Variants in FPGT observed in about 807,000 individuals in gnomAD.
The protein encoded by FPGT is fucose-1-phosphate guanylyltransferase, also known as GDP-L-fucose diphosphorylase.
Under a neutral mutation model 45.8 loss-of-function variants are expected in FPGT, and 41 were observed. The observed-to-expected ratio is 0.90, with a 90% CI of 0.70 to 1.16. The LOEUF (loss-of-function observed/expected upper bound fraction) is 1.16. Among genes scored for constraint, FPGT ranks in the 50% most tolerant of loss-of-function variants. FPGT has a pLI of 0.00. For missense variants in FPGT, 755 were observed against 689.1 expected, an observed-to-expected ratio of 1.10 and a Z score of -1.07; for synonymous variants, 292 against 247.2, an observed-to-expected ratio of 1.18 and a Z score of -1.70.
intron 3 of FPGT, among the ~76,000 whole-genome samples, chr1:74,202,678 C>T (rs1651909820): frequency 1.3e-5 from 2 of 152,194 alleles, no homozygotes; most frequent in South Asian, 4.1e-4. Context: ...ATAAATTAAC[C>T]TTAGCTTACT....
Position 74,204,809 on chromosome 1 carries a change from T to TG in FPGT, c.767dup (p.Asp257Ter). 1 of 1,613,826 alleles carries TG rather than the reference T, an allele frequency of 6.2e-7. No homozygotes were observed. Among genetic ancestry groups the TG allele is most frequent in the Non-Finnish European group, 8.5e-7 (1 of 1,179,958 alleles). ...GAAATTTTTGTCAACAGGACTTTGC[T>TG]GGGGGTGACATTGCCGATCTTAAAT... On this transcript the variant is annotated frameshift_variant, in exon 4 of 4. Transcript: ENST00000370898. LOFTEE classifies it high-confidence loss of function.
chr1:74,199,910 G>C (rs1384017542), intron 2 of FPGT, 79 bp downstream of exon 2: 2 of 1,477,864 alleles, frequency 1.4e-6, no homozygotes, highest in Non-Finnish European at 1.8e-6. Context: ...GTGACTTACA[G>C]TGTATAAGCT....
At chr1:74,203,790 C>G (rs1652022830) in intron 3 of FPGT, among the ~76,000 whole-genome samples, 1 of 151,784 alleles carries the variant, frequency 6.6e-6, no homozygotes, top group Non-Finnish European at 1.5e-5. Context: ...GCCTGTAATC[C>G]CAGCACTTTG....
In FPGT at chr1:74,205,167, A is replaced by G; in HGVS notation, c.1120A>G (p.Ser374Gly). The part of the protein sequence containing the change: ...EYLFYFTSDN[S>G]LKSELGLQSI... ...TTTGTTTTACTTTACCTCAGATAAC[A>G]GTTTAAAGTCAGAGCTCGGCTTACA... The change falls in exon 4 of 4, where the codon AGT (serine) becomes GGT (glycine). Residue 374 changes from serine (S) to glycine (G), a missense_variant. Transcript: ENST00000370898. 1 of 1,613,576 alleles carries G rather than the reference A, an allele frequency of 6.2e-7. No individual in the cohort carries two copies. Among genetic ancestry groups the G allele is most frequent in the Non-Finnish European group, 8.5e-7 (1 of 1,179,490 alleles).
Position 74,204,395 on chromosome 1 carries a change from C to A in FPGT, c.348C>A (p.Gly116=). ...TATTTCGTTTTAATTTTATAGGTGG[C>A]TACAGTCAACGACTTCCAAATGCAA... ...SFTILLIHSG[G]YSQRLPNASA... Residue 116 remains glycine, a synonymous_variant, in exon 4 of 4, where the codon GGC becomes GGA. Coordinates refer to ENST00000370898, the MANE Select transcript of FPGT (RefSeq NM_003838.5). The A allele has an allele frequency of 6.4e-7, 1 of 1,556,502 alleles. No individual in the cohort carries two copies. The highest frequency in any genetic ancestry group is 2.2e-5 in the East Asian group (1 of 44,470).
In FPGT at chr1:74,205,601, A is replaced by T; in HGVS notation, c.1554A>T (p.Thr518=). The change falls in exon 4 of 4, where the codon ACA becomes ACT. Residue 518 remains threonine, a synonymous_variant. Transcript: ENST00000370898. ...VTEELFSGNK[T]CLSLWTARIF... The stretch of plus-strand genomic sequence containing the variant: ...AGGAACTGTTCTCTGGTAACAAGAC[A>T]TGTCTGAGTTTGTGGACTGCACGCA... 1 of 1,613,610 alleles carries T rather than the reference A, an allele frequency of 6.2e-7. No individual in the cohort carries two copies. Among genetic ancestry groups the T allele is most frequent in the East Asian group, 2.2e-5 (1 of 44,876 alleles).
In FPGT at chr1:74,204,990, G is replaced by A. The variant is rs1652142667; in HGVS notation, c.943G>A (p.Glu315Lys). 6.2e-7 allele frequency: 1 copy of A among 1,614,068 alleles called. No homozygotes were observed. The highest frequency in any genetic ancestry group is 2.2e-5 in the East Asian group (1 of 44,876). The change falls in exon 4 of 4, where the codon GAG becomes AAG. Residue 315 changes from glutamate to lysine, a missense_variant. Physicochemically the swap from Glu to Lys is moderately conservative, Grantham distance 56. Transcript: ENST00000370898. ...GGCTTTGGGACCTGGAGCAACTGTG[G>A]AGTACACCAGAAACACATCAAATGT... ...LQALGPGATV[E>K]YTRNTSNVIK...
At chr1:74,200,170 C>T (rs1651657226) in intron 2 of FPGT, among the ~76,000 whole-genome samples, 1 of 152,188 alleles carries the variant, frequency 6.6e-6, no homozygotes, top group Non-Finnish European at 1.5e-5. Context: ...CAGCAATTTA[C>T]ATGAAGAAAG....
At chr1:74,204,235 CA>C (rs1182354269) in intron 3 of FPGT, among the ~76,000 whole-genome samples, 155 bp from the exon 4 acceptor site, 3 of 152,068 alleles carry the variant, frequency 2.0e-5, no homozygotes, top group African/African-American at 7.2e-5. Context: ...ATTTGGATTT[CA>C]TTATTCTTTC....
rs768733792 is a variant in FPGT at position 74,205,883 on chromosome 1, T to C, written c.*51T>C. The C allele has an allele frequency of 6.6e-6, 7 of 1,057,758 alleles. No homozygotes were observed. In the East Asian group the frequency reaches 7.2e-5, roughly 11 times the overall value. 65.5% of individuals were successfully genotyped at this position (1,057,758 alleles called of 1,614,324 possible). ...GCCTTTTTGAGTAACATTCCAGAGA[T>C]AGGTATTTTTTGTAGGCTGTTTCAC... On this transcript the variant is annotated 3_prime_UTR_variant, in exon 4 of 4. Transcript: ENST00000370898.
chr1:74,206,037 G>A lies in FPGT; in HGVS notation c.*205G>A, dbSNP rs1652257785. ...AGTTGAGAAAAGAGATACTATTTTG[G>A]ATGTGTATCAGTATTTTTGTTTTTA... is the stretch of plus-strand genomic sequence containing the variant. On this transcript the variant is annotated 3_prime_UTR_variant, in exon 4 of 4. Coordinates refer to ENST00000370898, the MANE Select transcript of FPGT (RefSeq NM_003838.5). 4.8e-6 allele frequency: 2 copies of A among 418,702 alleles called. No homozygotes were observed. The highest frequency in any genetic ancestry group is 4.1e-5 in the African/African-American group (2 of 48,826). 25.9% of individuals were successfully genotyped at this position (418,702 alleles called of 1,614,324 possible).
Position 74,204,465 on chromosome 1 carries a change from A to T in FPGT, c.418A>T (p.Ile140Phe). Reference sequence around the variant, plus strand: ...CACTGCTTTACCTCTTGGTAACCCCATTTATCAGATGCTAGAATTAAAACT... The same window carrying T: ...CACTGCTTTACCTCTTGGTAACCCCTTTTATCAGATGCTAGAATTAAAACT... ...IFTALPLGNP[I>F]YQMLELKLAM... The change falls in exon 4 of 4, where the codon ATT (isoleucine) becomes TTT (phenylalanine). Residue 140 changes from isoleucine (I) to phenylalanine (F), a missense_variant. Transcript: ENST00000370898. 6.2e-7 allele frequency: 1 copy of T among 1,609,776 alleles called. No homozygotes were observed. Among genetic ancestry groups the T allele is most frequent in the South Asian group, 1.1e-5 (1 of 90,922 alleles).
Position 74,204,470 on chromosome 1 carries a change from T to C in FPGT, c.423T>C (p.Tyr141=). Residue 141 remains tyrosine (Y), a synonymous_variant, in exon 4 of 4, where the codon TAT becomes TAC. Transcript: ENST00000370898. ...FTALPLGNPI[Y]QMLELKLAMY... Reference sequence around the variant, plus strand: ...CTTTACCTCTTGGTAACCCCATTTATCAGATGCTAGAATTAAAACTAGCCA... The same window carrying C: ...CTTTACCTCTTGGTAACCCCATTTACCAGATGCTAGAATTAAAACTAGCCA... 6.2e-7 allele frequency: 1 copy of C among 1,610,612 alleles called. No individual in the cohort carries two copies.
intron 3 of FPGT, among the ~76,000 whole-genome samples, chr1:74,203,314 A>G (rs1651967105): frequency 6.6e-6 from 1 of 152,140 alleles, no homozygotes; most frequent in Non-Finnish European, 1.5e-5. Flanking sequence ...TCCATAATTG[A>G]GCGAAATGTT....
chr1:74,201,663 T>C (rs1040355134), intron 3 of FPGT, among the ~76,000 whole-genome samples: 1 of 152,176 alleles, frequency 6.6e-6, no homozygotes, highest in Non-Finnish European at 1.5e-5. Flanking sequence ...TATTGTTTTG[T>C]TTTGGGTATG....
chr1:74,202,811 T>A (rs1373249252), intron 3 of FPGT, among the ~76,000 whole-genome samples: 2 of 152,208 alleles, frequency 1.3e-5, no homozygotes, highest in African/African-American at 4.8e-5. Flanking sequence ...GGGTTTATTT[T>A]GTTGTTTTTA....
rs752422898 is a variant in FPGT, at chr1:74,204,509, C to T, written c.462C>T (p.Phe154=). ...TAAAACTAGCCATGTACATTGATTTCCCCTTAAATATGAATCCTGGAATTC... is the reference window on the plus strand; with the variant it reads ...TAAAACTAGCCATGTACATTGATTTTCCCTTAAATATGAATCCTGGAATTC... ...LELKLAMYID[F]PLNMNPGILV... is the part of the protein sequence containing the mutation. Residue 154 remains phenylalanine (F), a synonymous_variant, in exon 4 of 4, where the codon TTC becomes TTT. Transcript: ENST00000370898. 1 of 1,609,476 alleles carries T rather than the reference C, an allele frequency of 6.2e-7. No individual in the cohort carries two copies.
chr1:74,205,864 T>G lies in FPGT; in HGVS notation c.*32T>G. Reference sequence around the variant, plus strand: ...TTTAAATATTGTACACTTTGCCTTTTTGAGTAACATTCCAGAGATAGGTAT... The same window carrying G: ...TTTAAATATTGTACACTTTGCCTTTGTGAGTAACATTCCAGAGATAGGTAT... On this transcript the variant is annotated 3_prime_UTR_variant, in exon 4 of 4. Transcript: ENST00000370898. The G allele has an allele frequency of 7.2e-6, 9 of 1,245,112 alleles. No homozygotes were observed. Among genetic ancestry groups the G allele is most frequent in the Non-Finnish European group, 1.0e-5 (9 of 884,180 alleles). 77.1% of individuals were successfully genotyped at this position (1,245,112 alleles called of 1,614,324 possible). A position where few individuals can be genotyped will look rare whatever the true frequency, so the allele number is the denominator to read the frequency against.
In FPGT at chr1:74,205,680, T is replaced by A. The variant is rs1357724215; in HGVS notation, c.1633T>A (p.Leu545Ile). 2 of 1,612,492 alleles carry A rather than the reference T, an allele frequency of 1.2e-6. No homozygotes were observed. Among genetic ancestry groups the A allele is most frequent in the Non-Finnish European group, 1.7e-6 (2 of 1,178,572 alleles). ...CTCAGTTATAACATCCCTAAAGATG[T>A]TAAATGCTGTTAAGAACAAGTCAGC... ...SDSVITSLKM[L>I]NAVKNKSAFS... Residue 545 changes from leucine to isoleucine, a missense_variant, in exon 4 of 4, where the codon TTA becomes ATA. Physicochemically the swap from Leu to Ile is conservative, Grantham distance 5. Transcript: ENST00000370898.
Sources: allele counts gnomAD v4.1 joint callset (sites outside exome capture counted in the v4.1 genomes callset), GRCh38; gene constraint gnomAD v4.1.1; transcripts MANE v1.5; gene names NCBI Gene and HGNC (gene_info 2026-07-23, HGNC 2026-07-21).